IKZF2: variants seen among roughly 807,000 people sequenced by gnomAD.
IKZF2 encodes IKAROS family zinc finger 2, also known as zinc finger protein Helios.
IKZF2 carries 15 observed loss-of-function variants against 49.2 expected under a neutral mutation model. That is an observed-to-expected ratio of 0.30 (90% CI 0.20 to 0.47). The LOEUF (loss-of-function observed/expected upper bound fraction) is 0.47. IKZF2 is among the 20% of genes least tolerant of loss of function. The pLI is 1.00. For missense variants in IKZF2, 567 were observed against 664.6 expected, an observed-to-expected ratio of 0.85 and a Z score of 1.61; for synonymous variants, 227 against 221.4, an observed-to-expected ratio of 1.03 and a Z score of -0.23.
intron 6 of IKZF2, among the ~76,000 whole-genome samples, chr2:213,045,647 TA>T (rs1442848174): frequency 1.3e-5 from 2 of 152,188 alleles, no homozygotes; most frequent in Admixed American, 6.5e-5. Context: ...GAATAGGAGA[TA>T]AACTCCAAGA....
intron 4 of IKZF2, among the ~76,000 whole-genome samples, chr2:213,094,940 T>C (rs895423281): frequency 6.6e-6 from 1 of 152,280 alleles, no homozygotes; most frequent in East Asian, 1.9e-4. Context: ...GTTATATTAA[T>C]GACAGACATA....
At chr2:213,116,156 A>G (rs1192097029) in intron 4 of IKZF2, among the ~76,000 whole-genome samples, 1 of 152,250 alleles carries the variant, frequency 6.6e-6, no homozygotes, top group Non-Finnish European at 1.5e-5. Context: ...TTACAGGAAC[A>G]CAAAAAAGAG....
intron 4 of IKZF2, among the ~76,000 whole-genome samples, chr2:213,126,317 T>C (rs890996358): frequency 2.4e-4 from 36 of 152,172 alleles, no homozygotes; most frequent in African/African-American, 8.7e-4. Flanking sequence ...TGTGTGTTGA[T>C]TTCTGCCTTT....
intron 4 of IKZF2, among the ~76,000 whole-genome samples, chr2:213,142,482 G>A (rs1051245226): frequency 6.6e-6 from 1 of 152,016 alleles, no homozygotes; most frequent in Non-Finnish European, 1.5e-5. Flanking sequence ...ACTGCTCTGA[G>A]TAATAGCAGC....
intron 4 of IKZF2, among the ~76,000 whole-genome samples, chr2:213,139,255 C>G (rs575653995): frequency 1.6e-4 from 25 of 151,854 alleles, no homozygotes; most frequent in Non-Finnish European, 3.1e-4. Context: ...AAATGAATCT[C>G]AGAAGTATTT....
intron 4 of IKZF2, among the ~76,000 whole-genome samples, chr2:213,059,385 A>T (rs1574667360): frequency 6.6e-6 from 1 of 151,628 alleles, no homozygotes; most frequent in South Asian, 2.1e-4. Context: ...TGGCTCCTGG[A>T]TTCTATATCT....
At chr2:213,083,261 T>C (rs1429753836) in intron 4 of IKZF2, among the ~76,000 whole-genome samples, 2 of 152,096 alleles carry the variant, frequency 1.3e-5, no homozygotes, top group Non-Finnish European at 1.5e-5. Context: ...AGTAGGAAAC[T>C]GGTCACATAG....
chr2:213,126,074 A>G (rs760063658), intron 4 of IKZF2, among the ~76,000 whole-genome samples: 1 of 152,110 alleles, frequency 6.6e-6, no homozygotes, highest in Non-Finnish European at 1.5e-5. Context: ...CTATGTTCCT[A>G]TATCATTTTT....
intron 4 of IKZF2, among the ~76,000 whole-genome samples, chr2:213,136,469 A>G (rs531339837): frequency 3.3e-5 from 5 of 152,120 alleles, no homozygotes; most frequent in African/African-American, 9.6e-5. Flanking sequence ...TCTATAGTAA[A>G]ATAGTATTCA....
rs1013987460 is a variant in IKZF2 at position 213,035,914 on chromosome 2, T to C, written c.575-13784A>G. On this transcript the variant is annotated intron_variant, in intron 6 of 8. Transcript: ENST00000434687. ...GTATAGTGGCTGAGAGCAGAGACCCTAGATTCAGACAGACCAGAGCTTATA... is the reference window on the plus strand; with the variant it reads ...GTATAGTGGCTGAGAGCAGAGACCCCAGATTCAGACAGACCAGAGCTTATA... Among the ~76,000 whole-genome samples, 3 of 152,168 alleles carry C rather than the reference T, an allele frequency of 2.0e-5. 1 individual carries two copies. The South Asian group carries it at 6.2e-4, about 32-fold the overall frequency.
intron 4 of IKZF2, among the ~76,000 whole-genome samples, chr2:213,145,132 C>T (rs1463083799): frequency 6.6e-6 from 1 of 150,622 alleles, no homozygotes; most frequent in African/African-American, 2.4e-5. Flanking sequence ...GCTCTCATGC[C>T]TTATTGATAC....
At chr2:213,111,762 A>G (rs1185594696) in intron 4 of IKZF2, among the ~76,000 whole-genome samples, 1 of 152,138 alleles carries the variant, frequency 6.6e-6, no homozygotes, top group Non-Finnish European at 1.5e-5. Flanking sequence ...TACTGGGTGT[A>G]GAGAATGGTT....
chr2:213,095,328 A>G (rs1705845764), intron 4 of IKZF2, among the ~76,000 whole-genome samples: 1 of 152,136 alleles, frequency 6.6e-6, no homozygotes, highest in African/African-American at 2.4e-5. Flanking sequence ...TCCAAGATTC[A>G]TTTTAAAACG....
chr2:213,082,086 T>C (rs1704013965), intron 4 of IKZF2, among the ~76,000 whole-genome samples: 2 of 152,186 alleles, frequency 1.3e-5, no homozygotes, highest in Admixed American at 6.5e-5. Flanking sequence ...GACTACAAGT[T>C]ACCCAATAGT....
chr2:213,052,613 C>A (rs1700776983), intron 5 of IKZF2, among the ~76,000 whole-genome samples: 1 of 151,754 alleles, frequency 6.6e-6, no homozygotes, highest in Non-Finnish European at 1.5e-5. Context: ...CATAATGAAA[C>A]CCTCAAAGAC....
At chr2:213,067,698 T>C (rs986873162) in intron 4 of IKZF2, among the ~76,000 whole-genome samples, 2 of 152,098 alleles carry the variant, frequency 1.3e-5, no homozygotes, top group Non-Finnish European at 2.9e-5. Flanking sequence ...CACGAAGCAG[T>C]AGTGAACAAG....
At chr2:213,132,597 T>C (rs2060510606) in intron 4 of IKZF2, among the ~76,000 whole-genome samples, 3 of 152,184 alleles carry the variant, frequency 2.0e-5, no homozygotes, top group Admixed American at 1.3e-4. Flanking sequence ...ACCATAAGTA[T>C]GGAAATTAAT....
intron 7 of IKZF2, chr2:213,014,752 T>C (rs561786682): frequency 6.2e-4 from 94 of 152,088 alleles, no homozygotes; most frequent in African/African-American, 2.2e-3. Context: ...CAGTTGTTTT[T>C]TGAGTAGAAA....
chr2:213,133,765 A>T (rs1021082475), intron 4 of IKZF2, among the ~76,000 whole-genome samples: 2 of 151,936 alleles, frequency 1.3e-5, no homozygotes, highest in Non-Finnish European at 2.9e-5. Context: ...AGTAATGCTA[A>T]GTACTATCAA....
Sources: gnomAD v4.1 joint callset for allele counts (sites outside exome capture counted in the v4.1 genomes callset) on GRCh38, gnomAD v4.1.1 for gene constraint, MANE v1.5 for transcripts, NCBI Gene and HGNC (gene_info 2026-07-23, HGNC 2026-07-21) for gene names.